The following EIF4G3 variants were observed in gnomAD, a reference collection of about 807,000 sequenced individuals.
EIF4G3 encodes eukaryotic translation initiation factor 4 gamma 3.
In EIF4G3, 34 loss-of-function variants were observed where a neutral mutation model predicts 186.4. The ratio of observed to expected loss-of-function variants is 0.18; its 90% CI spans 0.14 to 0.24. EIF4G3 has a LOEUF of 0.24. Ranked by LOEUF, EIF4G3 falls within the 10% of genes least tolerant of loss-of-function variation. EIF4G3 has a pLI of 1.00. For synonymous variants in EIF4G3, 673 were observed against 679.5 expected (o/e 0.99, Z 0.15); for missense variants, 1,536 against 1,948.5 (o/e 0.79, Z 3.99).
At chr1:20,824,467 C>T (rs191626667) in intron 33 of EIF4G3, among the ~76,000 whole-genome samples, 7 of 152,012 alleles carry the variant, frequency 4.6e-5, no homozygotes, top group Non-Finnish European at 7.4e-5. Flanking sequence ...TTTTCAGTAA[C>T]GTTTTGAGAG....
intron 2 of EIF4G3, among the ~76,000 whole-genome samples, chr1:21,157,662 TAGAC>T (rs1308202486): frequency 4.6e-5 from 7 of 152,150 alleles, no homozygotes; most frequent in Admixed American, 3.3e-4. Context: ...TATTCTTCAA[TAGAC>T]AGCACAGACA....
chr1:20,976,992 T>C (rs12745338), intron 10 of EIF4G3, among the ~76,000 whole-genome samples: 1 of 151,914 alleles, frequency 6.6e-6, no homozygotes, highest in African/African-American at 2.4e-5. Flanking sequence ...CCCATGAATA[T>C]AGTATGAAAG....
intron 2 of EIF4G3, among the ~76,000 whole-genome samples, chr1:21,128,343 T>TA (rs1463256770): frequency 6.6e-6 from 1 of 151,430 alleles, no homozygotes; most frequent in Non-Finnish European, 1.5e-5. Flanking sequence ...ACCCCGTCTC[T>TA]AAAAAATAAT....
At chr1:20,862,063 G>T (rs2076487885) in intron 23 of EIF4G3, among the ~76,000 whole-genome samples, 165 bp downstream of exon 23, 1 of 152,096 alleles carries the variant, frequency 6.6e-6, no homozygotes, top group African/African-American at 2.4e-5. Context: ...TAGGCCTTTT[G>T]TCCCTTCTCA....
chr1:21,087,712 C>T (rs1572346398), intron 3 of EIF4G3, among the ~76,000 whole-genome samples: 1 of 152,246 alleles, frequency 6.6e-6, no homozygotes, highest in East Asian at 1.9e-4. Context: ...CAGCTCACTG[C>T]AAGCTCCGCC....
intron 3 of EIF4G3, chr1:21,073,636 A>C (rs916577776): frequency 3.8e-6 from 2 of 520,322 alleles, no homozygotes; most frequent in Non-Finnish European, 7.6e-6. Context: ...CACACGCCAC[A>C]TGCAGATTTC....
At chr1:21,075,254 C>T (rs2095550241) in intron 3 of EIF4G3, among the ~76,000 whole-genome samples, 1 of 151,818 alleles carries the variant, frequency 6.6e-6, no homozygotes, top group South Asian at 2.1e-4. Flanking sequence ...CTATATGTTG[C>T]CTATAGGAAA....
chr1:20,825,125 T>C lies in EIF4G3; in HGVS notation c.4343A>G (p.Asp1448Gly), dbSNP rs771927406. The change falls in exon 33 of 37, where the codon GAT becomes GGT. Residue 1448 changes from aspartate (D) to glycine (G), a missense_variant. By Grantham distance (94) the Asp-to-Gly change is moderately conservative. Transcript: ENST00000602326. ...SWKDFLPEGE[D>G]VHNFLLEQKL... ...CTGCTCCAAAAGAAAATTATGTACA[T>C]CTTCTCCTTCTGGTAAAAAGTCCTT... The C allele has an allele frequency of 6.2e-7, 1 of 1,612,742 alleles. No homozygotes were observed. The highest frequency in any genetic ancestry group is 1.7e-4 in the Middle Eastern group (1 of 6,056).
At chr1:21,109,307 C>G (rs925293478) in intron 2 of EIF4G3, among the ~76,000 whole-genome samples, 9 of 152,064 alleles carry the variant, frequency 5.9e-5, no homozygotes, top group Non-Finnish European at 1.3e-4. Context: ...TTGCTTTATT[C>G]CACAATGGAT....
At chr1:21,133,883 TA>T (rs2097195874) in intron 2 of EIF4G3, among the ~76,000 whole-genome samples, 1 of 152,168 alleles carries the variant, frequency 6.6e-6, no homozygotes, top group South Asian at 2.1e-4. Context: ...CATTTATAGA[TA>T]AATAAGTATC....
chr1:20,851,497 A>G lies in EIF4G3; in HGVS notation c.3552-19T>C, dbSNP rs1202406994. On this transcript the variant is annotated intron_variant, in intron 27 of 36. Transcript: ENST00000602326. ...TCCACGACTTAAAAGACAAAACAAC[A>G]CTTTTCAAAGGAAAGACAAGCCCAT... The G allele has an allele frequency of 6.2e-7, 1 of 1,612,482 alleles. No individual in the cohort carries two copies. Among genetic ancestry groups the G allele is most frequent in the African/African-American group, 1.3e-5 (1 of 74,890 alleles).
chr1:20,852,567 C>G (rs866060060), intron 27 of EIF4G3, among the ~76,000 whole-genome samples: 4 of 152,124 alleles, frequency 2.6e-5, no homozygotes, highest in Non-Finnish European at 5.9e-5. Context: ...TTTCCTGATT[C>G]GTCTTCTTTT....
At chr1:20,831,774 A>G (rs2065311250) in intron 30 of EIF4G3, among the ~76,000 whole-genome samples, 1 of 126,784 alleles carries the variant, frequency 7.9e-6, no homozygotes, top group Admixed American at 8.5e-5. Context: ...CGACCCCACA[A>G]CAGTCCCCAG....
chr1:21,155,091 C>T (rs1432418029), intron 2 of EIF4G3, among the ~76,000 whole-genome samples: 1 of 151,716 alleles, frequency 6.6e-6, no homozygotes, highest in Non-Finnish European at 1.5e-5. Flanking sequence ...AGAGAAACCC[C>T]ATCTCCACTA....
intron 30 of EIF4G3, among the ~76,000 whole-genome samples, chr1:20,836,248 G>GT (rs1375548338): frequency 2.0e-5 from 3 of 151,934 alleles, no homozygotes; most frequent in African/African-American, 4.8e-5. Context: ...CTCCCAAAGT[G>GT]TTTTTTATTT....
At chr1:20,974,106 A>G (rs560678157) in intron 10 of EIF4G3, among the ~76,000 whole-genome samples, 2 of 152,300 alleles carry the variant, frequency 1.3e-5, no homozygotes, top group Admixed American at 6.5e-5. Flanking sequence ...AAAAATCAAG[A>G]GTTCAGTTTT....
intron 3 of EIF4G3, among the ~76,000 whole-genome samples, chr1:21,076,503 A>T (rs2095593331): frequency 6.6e-6 from 1 of 152,090 alleles, no homozygotes; most frequent in Non-Finnish European, 1.5e-5. Context: ...AAATAAAAAT[A>T]AAAAATAAAA....
chr1:21,147,349 T>G (rs1331925592), intron 2 of EIF4G3, among the ~76,000 whole-genome samples: 2 of 152,090 alleles, frequency 1.3e-5, no homozygotes, highest in African/African-American at 2.4e-5. Context: ...TTGTTTGTTT[T>G]TTTTCTTCTG....
At chr1:21,101,592 AGGG>A (rs2096527976) in intron 2 of EIF4G3, among the ~76,000 whole-genome samples, 1 of 71,956 alleles carries the variant, frequency 1.4e-5, no homozygotes. Flanking sequence ...AAAAAAACCG[AGGG>A]AGGGAGGGAG....
Sources: gnomAD v4.1 joint callset for allele counts (sites outside exome capture counted in the v4.1 genomes callset) on GRCh38, gnomAD v4.1.1 for gene constraint, MANE v1.5 for transcripts, NCBI Gene and HGNC (gene_info 2026-07-23, HGNC 2026-07-21) for gene names.